Variants in GPHN observed in about 807,000 individuals in gnomAD.
GPHN encodes the protein gephyrin.
Under a neutral mutation model 95.5 loss-of-function variants are expected in GPHN, and 17 were observed. The ratio of observed to expected loss-of-function variants is 0.18; its 90% CI spans 0.12 to 0.27. The LOEUF (loss-of-function observed/expected upper bound fraction) is 0.27. Among genes scored for constraint, GPHN ranks in the 10% least tolerant of loss-of-function variants. GPHN has a pLI of 1.00. For synonymous variants in GPHN, 320 were observed against 322.5 expected (o/e 0.99, Z 0.08); for missense variants, 660 against 978.1 (o/e 0.67, Z 4.34).
the GPHN span, among the ~76,000 whole-genome samples, chr14:67,639,367 A>T: frequency 3.3e-5 from 5 of 152,150 alleles, no homozygotes; most frequent in African/African-American, 1.2e-4. Flanking sequence ...GTGCTTGGCA[A>T]ATAGTTCTGA....
intron 7 of GPHN, among the ~76,000 whole-genome samples, chr14:66,923,991 G>A (rs1335077158): frequency 6.6e-6 from 1 of 152,012 alleles, no homozygotes; most frequent in Non-Finnish European, 1.5e-5. Context: ...AATTAAAAGA[G>A]TAAGAAGTGC....
chr14:67,342,227 A>AT, the GPHN span, among the ~76,000 whole-genome samples: 2 of 150,640 alleles, frequency 1.3e-5, no homozygotes, highest in Non-Finnish European at 2.9e-5. Context: ...ATAAAATAAA[A>AT]AAAAACACAA....
chr14:66,548,088 T>C (rs1473096496), intron 1 of GPHN, among the ~76,000 whole-genome samples: 1 of 152,176 alleles, frequency 6.6e-6, no homozygotes, highest in Non-Finnish European at 1.5e-5. Flanking sequence ...CTGTGTCATG[T>C]TTTTGTAATT....
intron 6 of GPHN, among the ~76,000 whole-genome samples, chr14:66,917,942 T>C (rs1375014327): frequency 6.6e-6 from 1 of 152,148 alleles, no homozygotes; most frequent in East Asian, 1.9e-4. Context: ...TGACACCAAC[T>C]GTAAGGAGTT....
chr14:67,073,796 A>C (rs2076396736), intron 11 of GPHN, among the ~76,000 whole-genome samples: 1 of 152,178 alleles, frequency 6.6e-6, no homozygotes. Context: ...GCATCTTTAG[A>C]TGGAAAAAAG....
the GPHN span, among the ~76,000 whole-genome samples, chr14:67,305,179 A>G: frequency 0.016 from 2,377 of 152,350 alleles, 30 homozygotes; most frequent in Non-Finnish European, 0.024. Flanking sequence ...CTGAGGAAAC[A>G]TAACAGAGGA....
At chr14:67,585,772 T>A in the GPHN span, 1 of 990,830 alleles carries the variant, frequency 1.0e-6, no homozygotes, top group Non-Finnish European at 1.5e-6. Flanking sequence ...CCCCCACTCC[T>A]GCCCAAGCAC....
At chr14:66,978,030 T>A (rs972042754) in intron 9 of GPHN, among the ~76,000 whole-genome samples, 2 of 152,236 alleles carry the variant, frequency 1.3e-5, no homozygotes, top group African/African-American at 4.8e-5. Context: ...AAAAATTATG[T>A]TTATACTCTC....
intron 1 of GPHN, among the ~76,000 whole-genome samples, chr14:66,680,495 ACTGT>A (rs2066876207): frequency 6.6e-6 from 1 of 152,078 alleles, no homozygotes; most frequent in Non-Finnish European, 1.5e-5. Flanking sequence ...CAGGGAGAAA[ACTGT>A]CTGTAATTTT....
chr14:67,450,139 T>A, the GPHN span: 1 of 152,282 alleles, frequency 6.6e-6, no homozygotes, highest in Admixed American at 6.6e-5. Flanking sequence ...CTGCCGTCCA[T>A]GTAAGATGTG....
the GPHN span, chr14:67,656,511 A>C: frequency 6.2e-7 from 1 of 1,613,918 alleles, no homozygotes; most frequent in Non-Finnish European, 8.5e-7. Context: ...ATCCGATGAG[A>C]ACGTTCAATA....
intron 3 of GPHN, among the ~76,000 whole-genome samples, chr14:66,779,997 G>A (rs897428417): frequency 6.6e-6 from 1 of 151,978 alleles, no homozygotes; most frequent in African/African-American, 2.4e-5. Context: ...GTGACAATGA[G>A]GCTAGAGAAG....
intron 1 of GPHN, among the ~76,000 whole-genome samples, chr14:66,580,571 A>G (rs761715145): frequency 2.0e-5 from 3 of 151,858 alleles, no homozygotes; most frequent in Non-Finnish European, 4.4e-5. Context: ...ATCATATGCC[A>G]ACAAATTAGA....
chr14:67,376,636 C>T, the GPHN span: 1 of 1,579,856 alleles, frequency 6.3e-7, no homozygotes. Context: ...TATCACAACT[C>T]TTGGCCTGAT....
At chr14:67,586,190 A>G in the GPHN span, 4 of 1,401,968 alleles carry the variant, frequency 2.9e-6, no homozygotes, top group Admixed American at 6.7e-5. Flanking sequence ...AGTGCTCTGC[A>G]AGGGCCCTGC....
Position 66,731,630 on chromosome 14 carries a change from A to C in GPHN, c.144-44834A>C, listed in dbSNP as rs143488070. Among the ~76,000 whole-genome samples, 455 of 152,356 alleles carry C rather than the reference A, an allele frequency of 3.0e-3. 3 individuals are homozygous for C. Among genetic ancestry groups the C allele is most frequent in the African/African-American group, 0.011 (437 of 41,586 alleles). On this transcript the variant is annotated intron_variant, in intron 2 of 22. Transcript: ENST00000478722. Reference sequence around the variant, plus strand: ...AAGTTTGGAAAATTTGCAGCCTGACAATGTGATAGAAAAGAAAAATCAATT... The same window carrying C: ...AAGTTTGGAAAATTTGCAGCCTGACCATGTGATAGAAAAGAAAAATCAATT...
chr14:67,309,500 A>G, the GPHN span, among the ~76,000 whole-genome samples: 2 of 152,226 alleles, frequency 1.3e-5, 1 homozygote, highest in South Asian at 4.1e-4. Flanking sequence ...GAAACTTGTC[A>G]CATAAGTAAA....
intron 18 of GPHN, among the ~76,000 whole-genome samples, chr14:67,144,271 A>ATATATATATATATATG: frequency 7.9e-6 from 1 of 125,812 alleles, no homozygotes. Context: ...ATATATATAT[A>ATATATATATATATATG]TATATATATA....
intron 2 of GPHN, among the ~76,000 whole-genome samples, chr14:66,706,104 G>A (rs554604595): frequency 2.0e-5 from 3 of 152,178 alleles, no homozygotes; most frequent in African/African-American, 7.2e-5. Context: ...CAGCTAACAA[G>A]GGATGTGAAG....
Sources: gnomAD v4.1 joint callset for allele counts (sites outside exome capture counted in the v4.1 genomes callset) on GRCh38, gnomAD v4.1.1 for gene constraint, MANE v1.5 for transcripts, NCBI Gene and HGNC (gene_info 2026-07-23, HGNC 2026-07-21) for gene names.